Variants in TMEM145 observed in about 807,000 individuals in gnomAD.
The protein encoded by TMEM145 is transmembrane protein 145.
In TMEM145, 46 loss-of-function variants were observed where a neutral mutation model predicts 68.5. The observed-to-expected ratio is 0.67, with a 90% confidence interval of 0.53 to 0.86. The LOEUF (loss-of-function observed/expected upper bound fraction) is 0.86. Among genes scored for constraint, TMEM145 ranks in the 40% least tolerant of loss-of-function variants. The pLI is 0.00. For missense variants in TMEM145, 570 were observed against 645.8 expected (o/e 0.88, Z 1.27); for synonymous variants, 255 against 280.2 (o/e 0.91, Z 0.90).
In TMEM145 at chr19:42,323,563, G is replaced by C. The variant is rs1212383983; in HGVS notation, c.1195-20G>C. On this transcript the variant is annotated intron_variant, in intron 13 of 14. Coordinates refer to ENST00000301204, the MANE Select transcript of TMEM145 (RefSeq NM_173633.3). ...CGGCCTGACAGTGCCTCTCACACCTGCTCCTGGCCCTGGCCTCAGATCATG... is the reference window on the plus strand; with the variant it reads ...CGGCCTGACAGTGCCTCTCACACCTCCTCCTGGCCCTGGCCTCAGATCATG... 6.2e-7 allele frequency: 1 copy of C among 1,612,590 alleles called. No homozygotes were observed. The highest frequency in any genetic ancestry group is 8.5e-7 in the Non-Finnish European group (1 of 1,179,600).
intron 14 of TMEM145, chr19:42,324,269 C>G (rs929488664): frequency 1.5e-5 from 15 of 985,122 alleles, no homozygotes; most frequent in African/African-American, 1.7e-5. Context: ...ACCCTGACCC[C>G]CCTCCCAGGC....
chr19:42,314,076 G>A (rs2038829585), intron 1 of TMEM145, among the ~76,000 whole-genome samples, 196 bp from the exon 2 acceptor site: 2 of 152,024 alleles, frequency 1.3e-5, no homozygotes, highest in African/African-American at 2.4e-5. Flanking sequence ...GGGGGGCAAT[G>A]GAGGGAGAAA....
rs1266820782 is a variant in TMEM145 at position 42,315,019 on chromosome 19, G to A, written c.447G>A (p.Glu149=). 6.2e-7 allele frequency: 1 copy of A among 1,614,110 alleles called. No homozygotes were observed. Among genetic ancestry groups the A allele is most frequent in the South Asian group, 1.1e-5 (1 of 91,070 alleles). Residue 149 remains glutamate, a synonymous_variant, in exon 6 of 15, where the codon GAG becomes GAA. Coordinates refer to ENST00000301204, the MANE Select transcript of TMEM145 (RefSeq NM_173633.3). ...GTGATGGATTGCAGCTGGAGTATGAGATGGTCCTCACCAATGGCAAGTCCT... is the reference window on the plus strand; with the variant it reads ...GTGATGGATTGCAGCTGGAGTATGAAATGGTCCTCACCAATGGCAAGTCCT... ...RSGDGLQLEY[E]MVLTNGKSFW... is the part of the protein sequence containing the mutation.
intron 12 of TMEM145, among the ~76,000 whole-genome samples, chr19:42,319,783 G>C (rs1416156643): frequency 7.0e-6 from 1 of 142,452 alleles, no homozygotes; most frequent in Non-Finnish European, 1.5e-5. Flanking sequence ...TTTTGAGATG[G>C]AGTTTCGCTC....
chr19:42,313,545 C>T lies in TMEM145; in HGVS notation c.120+49C>T. On this transcript the variant is annotated intron_variant, in intron 1 of 14. Coordinates refer to ENST00000301204, the MANE Select transcript of TMEM145 (RefSeq NM_173633.3). The surrounding 1 kb of genome is among the most constrained non-coding windows in gnomAD (Gnocchi z 5.1). ...GCGGCCCGCCGGCCCCCGGGGGACG[C>T]AAGGGAGGCGAGGGGAGCGGGTACC... The T allele has an allele frequency of 8.1e-7, 1 of 1,241,744 alleles. No individual in the cohort carries two copies. The allele number at this position is 1,241,744 out of a possible 1,614,324, so 76.9% of individuals were successfully genotyped here.
In TMEM145 at chr19:42,323,711, C is replaced by G. The variant is rs753026349; in HGVS notation, c.1323C>G (p.Val441=). ...CTGACAAGGCCTTCCCGCAGCACGT[C>G]TATGGGAACGTGACGTTTATCAGCG... ...QSADKAFPQH[V]YGNVTFISDS... Residue 441 remains valine, a synonymous_variant, in exon 14 of 15, where the codon GTC becomes GTG. Coordinates refer to ENST00000301204, the MANE Select transcript of TMEM145 (RefSeq NM_173633.3). The G allele has an allele frequency of 2.2e-5, 35 of 1,614,070 alleles. No homozygotes were observed. The Admixed American group carries it at 5.0e-4, about 23-fold the overall frequency.
chr19:42,321,262 G>A (rs2038908739), intron 13 of TMEM145: 1 of 393,058 alleles, frequency 2.5e-6, no homozygotes, highest in Non-Finnish European at 4.4e-6. Flanking sequence ...GTCTCACTCT[G>A]TCACTAGGCT....
chr19:42,317,072 C>A (rs1035030577), intron 11 of TMEM145, 109 bp downstream of exon 11: 1 of 880,984 alleles, frequency 1.1e-6, no homozygotes, highest in Non-Finnish European at 1.8e-6. Flanking sequence ...TGCTGGCTCG[C>A]TCTCTCTCCC....
At chr19:42,316,360 TAGA>T in intron 8 of TMEM145, 118 bp from the exon 9 acceptor site, 1 of 920,462 alleles carries the variant, frequency 1.1e-6, no homozygotes, top group Non-Finnish European at 1.8e-6. Flanking sequence ...TGAGTCGGGG[TAGA>T]AGGTCTGGAG....
At position 42,324,743 on chromosome 19, in the gene TMEM145, C is replaced by T; in HGVS notation, c.1408C>T (p.Pro470Ser). The T allele has an allele frequency of 6.5e-7, 1 of 1,544,360 alleles. No individual in the cohort carries two copies. The change falls in exon 15 of 15, where the codon CCC becomes TCC. Residue 470 changes from proline to serine, a missense_variant. Pro to Ser is a moderately conservative substitution (Grantham distance 74). Transcript: ENST00000301204. ...SIPPPATSPLPRAAPDSGLPL... is the reference protein window; with the variant it reads ...SIPPPATSPLSRAAPDSGLPL... ...TCCCCGTCCCCTCCCTCAGCCCCTG[C>T]CCCGAGCGGCGCCGGATTCTGGGCT...
intron 1 of TMEM145, 140 bp from the exon 2 acceptor site, chr19:42,314,132 A>C: frequency 1.2e-6 from 1 of 810,326 alleles, no homozygotes; most frequent in Non-Finnish European, 2.1e-6. Context: ...GGATCAGGGA[A>C]GGAGTTTGGA....
At chr19:42,320,534 G>A in intron 13 of TMEM145, 97 bp downstream of exon 13, 5 of 1,554,298 alleles carry the variant, frequency 3.2e-6, no homozygotes, top group Non-Finnish European at 4.4e-6. Flanking sequence ...CTGTTCTGAG[G>A]TCTTGATCCA....
intron 6 of TMEM145, 24 bp from the exon 7 acceptor site, chr19:42,315,164 T>C: frequency 1.2e-6 from 2 of 1,613,428 alleles, no homozygotes; most frequent in Non-Finnish European, 1.7e-6. Context: ...TGAATGAACC[T>C]TACTCCTCCT....
Position 42,316,533 on chromosome 19 carries a change from C to T in TMEM145, c.699C>T (p.Gly233=). ...ACTGGGGTCAATATGCCACCGATGGCATTGGCAACGAGAGTGTGAAGATCT... is the reference window on the plus strand; with the variant it reads ...ACTGGGGTCAATATGCCACCGATGGTATTGGCAACGAGAGTGTGAAGATCT... ...CIYWGQYATD[G]IGNESVKILA... is the part of the protein sequence containing the mutation. Residue 233 remains glycine (G), a synonymous_variant, in exon 9 of 15, where the codon GGC becomes GGT. Transcript: ENST00000301204. 6.2e-7 allele frequency: 1 copy of T among 1,614,190 alleles called. No individual in the cohort carries two copies. The highest frequency in any genetic ancestry group is 8.5e-7 in the Non-Finnish European group (1 of 1,180,022).
In TMEM145 at chr19:42,316,971, C is replaced by G. The variant is rs201889993; in HGVS notation, c.900+8C>G. ...CTCATCTACGAGGCGGAAGTGAGTC[C>G]GACTGGCCCCTGGCCGGGCCCTGCC... On this transcript the variant is annotated splice_region_variant and intron_variant, in intron 11 of 14. Transcript: ENST00000301204. 1 of 1,611,952 alleles carries G rather than the reference C, an allele frequency of 6.2e-7. No individual in the cohort carries two copies. Among genetic ancestry groups the G allele is most frequent in the Middle Eastern group, 1.7e-4 (1 of 5,878 alleles).
At chr19:42,319,757 CTTTTTT>C (rs111353949) in intron 12 of TMEM145, among the ~76,000 whole-genome samples, 2 of 102,586 alleles carry the variant, frequency 1.9e-5, no homozygotes, top group African/African-American at 7.2e-5. Context: ...CTGATTTCTT[CTTTTTT>C]TTTTTTTTTT....
In TMEM145 at chr19:42,320,344, G is replaced by A. The variant is rs150067354; in HGVS notation, c.1101G>A (p.Leu367=). 11 of 1,614,118 alleles carry A rather than the reference G, an allele frequency of 6.8e-6. No individual in the cohort carries two copies. The Admixed American group carries it at 1.5e-4, about 22-fold the overall frequency. Residue 367 remains leucine (L), a synonymous_variant, in exon 13 of 15, where the codon CTG becomes CTA. Coordinates refer to ENST00000301204, the MANE Select transcript of TMEM145 (RefSeq NM_173633.3). The part of the protein sequence containing the change: ...LWFFAVPVMA[L]IANFGIPKWA... ...TCTTTGCGGTTCCTGTCATGGCCCT[G>A]ATTGCCAATTTCGGCATCCCCAAGT... is the stretch of plus-strand genomic sequence containing the variant.
At position 42,313,936 on chromosome 19, in the gene TMEM145, G is replaced by A. The variant is rs1185465090; in HGVS notation, c.121-336G>A. Among the ~76,000 whole-genome samples, 1 of 152,032 alleles carries A rather than the reference G, an allele frequency of 6.6e-6. No homozygotes were observed. Among genetic ancestry groups the A allele is most frequent in the Non-Finnish European group, 1.5e-5 (1 of 68,000 alleles). ...GGGGTGCAGGGGAGTGTGGATATTG[G>A]GGGAACGGGGTTAGATATTGGCCAG... On this transcript the variant is annotated intron_variant, in intron 1 of 14. Coordinates refer to ENST00000301204, the MANE Select transcript of TMEM145 (RefSeq NM_173633.3). This position sits in a 1 kb window ranked among gnomAD's most constrained non-coding sequence, Gnocchi z 5.1.
At chr19:42,318,023 C>A in intron 12 of TMEM145, 142 bp downstream of exon 12, 1 of 932,184 alleles carries the variant, frequency 1.1e-6, no homozygotes, top group Non-Finnish European at 1.6e-6. Context: ...GCCACTTACT[C>A]ACTTTGTGAA....
Sources: allele counts gnomAD v4.1 joint callset (sites outside exome capture counted in the v4.1 genomes callset), GRCh38; gene constraint gnomAD v4.1.1; non-coding constraint Gnocchi (gnomAD v3.1); transcripts MANE v1.5; gene names NCBI Gene and HGNC (gene_info 2026-07-23, HGNC 2026-07-21).